Variants in SCG5 observed in about 807,000 individuals in gnomAD.
The protein encoded by SCG5 is neuroendocrine protein 7B2.
SCG5 carries 18 observed loss-of-function variants against 25.7 expected under a neutral mutation model. That is an observed-to-expected ratio of 0.70 (90% CI 0.48 to 1.04). The LOEUF (loss-of-function observed/expected upper bound fraction) is 1.04, where lower values mean the gene tolerates loss of function less well. Among genes scored for constraint, SCG5 ranks in the 50% least tolerant of loss-of-function variants. The probability of loss-of-function intolerance (pLI) is 0.00; values close to 1 mark genes in which losing one functional copy is unlikely to be tolerated. For synonymous variants in SCG5, 101 were observed against 91.7 expected (o/e 1.10, Z -0.58); for missense variants, 206 against 259.8 (o/e 0.79, Z 1.42).
chr15:32,650,093 C>CTTAT (rs1367530285), intron 2 of SCG5, among the ~76,000 whole-genome samples: 2 of 151,990 alleles, frequency 1.3e-5, no homozygotes, highest in Non-Finnish European at 2.9e-5. Context: ...TTACCCCAAT[C>CTTAT]TTATTTATTT....
chr15:32,643,069 G>A (rs1009059120), intron 1 of SCG5, among the ~76,000 whole-genome samples: 3 of 152,122 alleles, frequency 2.0e-5, no homozygotes, highest in Non-Finnish European at 2.9e-5. Flanking sequence ...CAAACGTATT[G>A]GATGTTTGCT....
rs775294814 is a variant in SCG5, at chr15:32,684,605, G to A, written c.425G>A (p.Arg142Gln). The A allele has an allele frequency of 5.6e-6, 9 of 1,613,708 alleles. No individual in the cohort carries two copies. The Middle Eastern group carries it at 4.9e-4, about 88-fold the overall frequency. The part of the protein sequence containing the change: ...ENTPDTAEFS[R>Q]EFQLHQHLFD... Reference sequence around the variant, plus strand: ...ACCCCTGACACTGCAGAGTTCAGTCGAGAGTTCCAGTTGCACCAGCATCTC... The same window carrying A: ...ACCCCTGACACTGCAGAGTTCAGTCAAGAGTTCCAGTTGCACCAGCATCTC... The change falls in exon 4 of 6, where the codon CGA (arginine) becomes CAA (glutamine). Residue 142 changes from arginine to glutamine, a missense_variant. Transcript: ENST00000300175.
chr15:32,662,642 A>G (rs982741431), intron 2 of SCG5, among the ~76,000 whole-genome samples: 12 of 152,148 alleles, frequency 7.9e-5, no homozygotes, highest in African/African-American at 2.7e-4. Context: ...GTAGAGGAAG[A>G]CTTGAGGCAA....
Position 32,690,404 on chromosome 15 carries a change from A to G in SCG5, c.490-1306A>G, listed in dbSNP as rs200102631. 2.0e-5 allele frequency among the ~76,000 whole-genome samples: 3 copies of G among 152,252 alleles called. No homozygotes were observed. In the East Asian group the frequency reaches 5.8e-4, roughly 29 times the overall value. ...CTGCCTCAGGAGTTTTTACGTTCAC[A>G]GAAAGGCAACCACAGACTGTAGAGA... On this transcript the variant is annotated intron_variant, in intron 4 of 5. Transcript: ENST00000300175.
intron 2 of SCG5, among the ~76,000 whole-genome samples, chr15:32,658,396 A>G (rs1366926524): frequency 2.0e-5 from 3 of 152,180 alleles, no homozygotes; most frequent in Admixed American, 6.5e-5. Flanking sequence ...CTTGAGCTAG[A>G]CTTCCTTGAG....
In SCG5 at chr15:32,670,983, C is replaced by G. The variant is rs769456933; in HGVS notation, c.227-8783C>G. Among the ~76,000 whole-genome samples, 18 of 152,256 alleles carry G rather than the reference C, an allele frequency of 1.2e-4. 1 individual carries two copies. The highest frequency in any genetic ancestry group is 3.4e-3 in the Middle Eastern group (1 of 294). On this transcript the variant is annotated intron_variant, in intron 2 of 5. Coordinates refer to ENST00000300175, the MANE Select transcript of SCG5 (RefSeq NM_001144757.3). Reference sequence around the variant, plus strand: ...TTGACTAGATAGGAAAAGCAGCTAACGTTCATGGAGTGCTTATTACATACC... The same window carrying G: ...TTGACTAGATAGGAAAAGCAGCTAAGGTTCATGGAGTGCTTATTACATACC...
At chr15:32,691,573 C>A (rs185225387) in intron 4 of SCG5, 137 bp from the exon 5 acceptor site, 2 of 711,072 alleles carry the variant, frequency 2.8e-6, no homozygotes, top group East Asian at 2.8e-5. Flanking sequence ...ACACGACATT[C>A]CTTTCATCTA....
intron 2 of SCG5, among the ~76,000 whole-genome samples, chr15:32,672,576 C>G (rs149835462): frequency 6.6e-6 from 1 of 152,288 alleles, no homozygotes; most frequent in East Asian, 1.9e-4. Context: ...CCCTGAGTGA[C>G]CTGGAAACTA....
Position 32,691,775 on chromosome 15 carries a change from C to T in SCG5, c.543+12C>T. 2 of 1,611,984 alleles carry T rather than the reference C, an allele frequency of 1.2e-6. No homozygotes were observed. Among genetic ancestry groups the T allele is most frequent in the South Asian group, 1.1e-5 (1 of 90,434 alleles). ...GACGAAAGCGGAGGGTAACACGTGC[C>T]TGGCTGGATTGTTGCGGGGATGCTT... On this transcript the variant is annotated intron_variant, in intron 5 of 5. Coordinates refer to ENST00000300175, the MANE Select transcript of SCG5 (RefSeq NM_001144757.3).
intron 2 of SCG5, among the ~76,000 whole-genome samples, chr15:32,669,895 C>T (rs1349077728): frequency 6.6e-6 from 1 of 151,896 alleles, no homozygotes; most frequent in Non-Finnish European, 1.5e-5. Context: ...CACGTTTTCT[C>T]CTTTTGGAAA....
intron 2 of SCG5, among the ~76,000 whole-genome samples, chr15:32,653,584 C>T (rs991655643): frequency 6.6e-6 from 1 of 152,254 alleles, no homozygotes; most frequent in Non-Finnish European, 1.5e-5. Context: ...CTCATATAAA[C>T]GTGGGGGCTG....
chr15:32,688,682 G>A (rs1474512074), intron 4 of SCG5, among the ~76,000 whole-genome samples: 1 of 152,180 alleles, frequency 6.6e-6, no homozygotes, highest in Non-Finnish European at 1.5e-5. Context: ...TAATAGGCCG[G>A]GCACAGTGGC....
chr15:32,661,222 C>A (rs1047666337), intron 2 of SCG5, among the ~76,000 whole-genome samples: 5 of 152,190 alleles, frequency 3.3e-5, no homozygotes, highest in African/African-American at 1.2e-4. Flanking sequence ...TTTACACCCT[C>A]GGTACCATTT....
At chr15:32,643,426 A>G (rs2053896626) in intron 1 of SCG5, among the ~76,000 whole-genome samples, 160 bp from the exon 2 acceptor site, 1 of 152,160 alleles carries the variant, frequency 6.6e-6, no homozygotes, top group South Asian at 2.1e-4. Context: ...TCTGCCTAGC[A>G]TGGAAACTTA....
chr15:32,676,797 A>G (rs7170735), intron 2 of SCG5, among the ~76,000 whole-genome samples: 1,837 of 152,342 alleles, frequency 0.012, 34 homozygotes, highest in African/African-American at 0.042. Flanking sequence ...ATCAATTTAT[A>G]TTTAGCAGCC....
At chr15:32,651,940 G>T (rs2054036973) in intron 2 of SCG5, among the ~76,000 whole-genome samples, 1 of 152,188 alleles carries the variant, frequency 6.6e-6, no homozygotes, top group Admixed American at 6.5e-5. Context: ...GTTAGTGGTG[G>T]CTGATACTGT....
chr15:32,649,600 AT>A (rs2054001045), intron 2 of SCG5, among the ~76,000 whole-genome samples: 1 of 152,108 alleles, frequency 6.6e-6, no homozygotes, highest in African/African-American at 2.4e-5. Context: ...CTGGTCGTTA[AT>A]AGCTTTAAGT....
Position 32,643,701 on chromosome 15 carries a change from G to A in SCG5, c.109G>A (p.Glu37Lys). 1 of 1,613,942 alleles carries A rather than the reference G, an allele frequency of 6.2e-7. No homozygotes were observed. Among genetic ancestry groups the A allele is most frequent in the Non-Finnish European group, 8.5e-7 (1 of 1,179,890 alleles). The change falls in exon 2 of 6, where the codon GAA becomes AAA. Residue 37 changes from glutamate to lysine, a missense_variant. Glu to Lys is a moderately conservative substitution (Grantham distance 56). Coordinates refer to ENST00000300175, the MANE Select transcript of SCG5 (RefSeq NM_001144757.3). ...YSPRTPDRVS[E>K]ADIQRLLHGV... ...CCCCCGGACCCCTGACCGGGTCTCA[G>A]AAGCAGATATCCAGAGGCTGCTTCA... is the stretch of plus-strand genomic sequence containing the variant.
chr15:32,663,059 ATATATATATATAT>A (rs1567076407), intron 2 of SCG5, among the ~76,000 whole-genome samples: 2 of 68,460 alleles, frequency 2.9e-5, no homozygotes, highest in African/African-American at 7.0e-5. Flanking sequence ...ATATATATAT[ATATATATATATAT>A]ATATATAATA....
Sources: gnomAD v4.1 joint callset for allele counts (sites outside exome capture counted in the v4.1 genomes callset) on GRCh38, gnomAD v4.1.1 for gene constraint, MANE v1.5 for transcripts, NCBI Gene and HGNC (gene_info 2026-07-23, HGNC 2026-07-21) for gene names.